GPR89B: variants seen among roughly 807,000 people sequenced by gnomAD.
The protein encoded by GPR89B is golgi pH regulator B.
In GPR89B, 25 loss-of-function variants were observed where a neutral mutation model predicts 52.4. That is an observed-to-expected ratio of 0.48 (90% CI 0.35 to 0.67). The LOEUF is 0.67. Among genes scored for constraint, GPR89B ranks in the 30% least tolerant of loss-of-function variants. GPR89B has a pLI of 0.01. For missense variants in GPR89B, 146 were observed against 450.2 expected (o/e 0.32, Z 6.11); for synonymous variants, 52 against 151.2 (o/e 0.34, Z 4.81).
intron 10 of GPR89B, among the ~76,000 whole-genome samples, chr1:147,978,406 G>A (rs1414340155): frequency 1.3e-5 from 2 of 151,790 alleles, no homozygotes; most frequent in Admixed American, 6.5e-5. Context: ...CGGCAGGAAC[G>A]TTCCTGTATA....
At chr1:147,972,825 C>T (rs1331715453) in intron 10 of GPR89B, among the ~76,000 whole-genome samples, 4 of 148,844 alleles carry the variant, frequency 2.7e-5, no homozygotes, top group Non-Finnish European at 5.9e-5. Context: ...TCCCCGCCTT[C>T]GACAGGTCCC....
chr1:147,933,160 G>T (rs7538943), intron 1 of GPR89B, among the ~76,000 whole-genome samples: 76,986 of 149,106 alleles, frequency 0.52, 20,422 homozygotes, highest in African/African-American at 0.62. Context: ...CTTGACTGCT[G>T]TCTTTCCCCT....
At chr1:147,998,531 A>G (rs1349129869), downstream of GPR89B, among the ~76,000 whole-genome samples, 8 of 152,050 alleles carry the variant, frequency 5.3e-5, no homozygotes, top group Non-Finnish European at 1.2e-4. Flanking sequence ...AAGCAAACCA[A>G]CTGTATCTGA....
the GPR89B span, among the ~76,000 whole-genome samples, chr1:148,004,886 AACACACACACACACAC>A: frequency 2.9e-4 from 33 of 111,968 alleles, no homozygotes; most frequent in East Asian, 2.3e-3. Context: ...ATCTCTACAA[AACACACACACACACAC>A]ACACACACAC....
At position 147,963,414 on chromosome 1, in the gene GPR89B, G is replaced by C. The variant is rs1656780769; in HGVS notation, c.618-3140G>C. Among the ~76,000 whole-genome samples the C allele has an allele frequency of 8.2e-5, 12 of 147,010 alleles. No individual in the cohort carries two copies. The South Asian group carries it at 2.4e-3, about 29-fold the overall frequency. ...AAAAATACTGTTAAGAGGATGAAAA[G>C]ATAAGCTACCCACTGGGAGAAAATA... On this transcript the variant is annotated intron_variant, in intron 7 of 13. Coordinates refer to ENST00000314163, the MANE Select transcript of GPR89B (RefSeq NM_016334.5).
the GPR89B span, among the ~76,000 whole-genome samples, chr1:148,018,140 C>T: frequency 2.1e-5 from 3 of 145,748 alleles, no homozygotes; most frequent in Admixed American, 6.7e-5. Flanking sequence ...AGGAAGAGGC[C>T]GGGCGCGGTG....
At chr1:147,958,101 G>C (rs1460802510) in intron 7 of GPR89B, among the ~76,000 whole-genome samples, 1 of 151,962 alleles carries the variant, frequency 6.6e-6, no homozygotes, top group Non-Finnish European at 1.5e-5. Flanking sequence ...AGAAGGCTCA[G>C]GTTCACTGAC....
intron 5 of GPR89B, among the ~76,000 whole-genome samples, chr1:147,945,360 T>C (rs1415605223): frequency 2.0e-5 from 3 of 149,828 alleles, no homozygotes; most frequent in South Asian, 2.1e-4. Context: ...GAAAAGGATA[T>C]TGGAATTAAT....
intron 10 of GPR89B, among the ~76,000 whole-genome samples, chr1:147,979,584 A>G (rs1353436463): frequency 3.3e-5 from 5 of 152,228 alleles, no homozygotes; most frequent in African/African-American, 1.2e-4. Flanking sequence ...GAGTATTGTT[A>G]ATCATGAAAA....
At chr1:148,005,405 C>A in the GPR89B span, 1 of 1,589,048 alleles carries the variant, frequency 6.3e-7, no homozygotes, top group Non-Finnish European at 8.6e-7. Context: ...CTGGCATCCT[C>A]TACATTCTCT....
chr1:147,952,661 A>G (rs1297368483), intron 5 of GPR89B, among the ~76,000 whole-genome samples: 17 of 152,112 alleles, frequency 1.1e-4, no homozygotes, highest in Non-Finnish European at 2.5e-4. Flanking sequence ...TTACTGAGTT[A>G]TTCTTCAGCA....
intron 3 of GPR89B, among the ~76,000 whole-genome samples, chr1:147,940,196 G>C (rs1182856073): frequency 6.6e-6 from 1 of 151,958 alleles, no homozygotes; most frequent in Non-Finnish European, 1.5e-5. Context: ...GAGGTCAGGA[G>C]ATCAAGACCA....
chr1:148,021,399 G>A, the GPR89B span, among the ~76,000 whole-genome samples: 1 of 151,934 alleles, frequency 6.6e-6, no homozygotes, highest in Non-Finnish European at 1.5e-5. Context: ...CTACTCAGGA[G>A]GCCGAGGCGG....
chr1:148,018,896 C>A, the GPR89B span, among the ~76,000 whole-genome samples: 2 of 151,636 alleles, frequency 1.3e-5, no homozygotes, highest in African/African-American at 2.4e-5. Flanking sequence ...GAACTCCTGA[C>A]CTCAGGTGAT....
At chr1:148,017,455 C>T in the GPR89B span, among the ~76,000 whole-genome samples, 1 of 151,168 alleles carries the variant, frequency 6.6e-6, no homozygotes, top group African/African-American at 2.4e-5. Context: ...TTGTTTTAGG[C>T]CAGGCGCGGT....
At chr1:147,989,846 G>T (rs1307590526) in intron 12 of GPR89B, among the ~76,000 whole-genome samples, 2 of 152,166 alleles carry the variant, frequency 1.3e-5, no homozygotes, top group Admixed American at 1.3e-4. Flanking sequence ...GGACATTTGG[G>T]TTGGTTCCAA....
intron 10 of GPR89B, among the ~76,000 whole-genome samples, chr1:147,975,049 G>C (rs1213599824): frequency 1.3e-5 from 2 of 151,504 alleles, no homozygotes; most frequent in African/African-American, 2.4e-5. Context: ...TGAGCTTTTT[G>C]ATGTGCTGCT....
the GPR89B span, among the ~76,000 whole-genome samples, chr1:148,014,108 T>C: frequency 6.6e-6 from 1 of 151,238 alleles, no homozygotes; most frequent in African/African-American, 2.4e-5. Flanking sequence ...TGCTAGTGTC[T>C]GCCCTCCAAC....
At chr1:148,011,229 G>C in the GPR89B span, 2 of 152,170 alleles carry the variant, frequency 1.3e-5, no homozygotes, top group African/African-American at 4.8e-5. Flanking sequence ...GCATTTAGGG[G>C]CCTTGAGTCG....
Sources: gnomAD v4.1 joint callset for allele counts (sites outside exome capture counted in the v4.1 genomes callset) on GRCh38, gnomAD v4.1.1 for gene constraint, MANE v1.5 for transcripts, NCBI Gene and HGNC (gene_info 2026-07-23, HGNC 2026-07-21) for gene names.